Variants in NEXMIF observed in about 807,000 individuals in gnomAD.
The protein encoded by NEXMIF is neurite extension and migration factor.
NEXMIF carries 8 observed loss-of-function variants against 62.1 expected under a neutral mutation model. The observed-to-expected ratio is 0.13, with a 90% CI of 0.08 to 0.23. The LOEUF is 0.23. Ranked by LOEUF, NEXMIF falls within the 10% of genes least tolerant of loss-of-function variation. The probability of loss-of-function intolerance (pLI) is 1.00; values close to 1 mark genes in which losing one functional copy is unlikely to be tolerated. For missense variants in NEXMIF, 976 were observed against 1,113.3 expected (o/e 0.88, Z 1.75); for synonymous variants, 404 against 416.6 (o/e 0.97, Z 0.37).
intron 1 of NEXMIF, among the ~76,000 whole-genome samples, chrX:74,903,006 C>A (rs1356534450): frequency 9.0e-6 from 1 of 111,108 alleles, no homozygotes; most frequent in Non-Finnish European, 1.9e-5. Context: ...TTTAGCTCAG[C>A]TGCCTTTGCA....
intron 1 of NEXMIF, among the ~76,000 whole-genome samples, chrX:74,793,315 C>T (rs1295801777): frequency 1.8e-5 from 2 of 110,023 alleles, no homozygotes; most frequent in Admixed American, 1.9e-4. Flanking sequence ...CCACTCTCTT[C>T]TGGCTTGTAG....
intron 1 of NEXMIF, among the ~76,000 whole-genome samples, chrX:74,923,146 A>G: frequency 8.9e-6 from 1 of 112,124 alleles, no homozygotes; most frequent in Middle Eastern, 4.6e-3. Context: ...TATTTGCAAA[A>G]ACAAGAAGCT....
chrX:74,863,942 C>T (rs1602255242), intron 1 of NEXMIF, among the ~76,000 whole-genome samples: 1 of 112,310 alleles, frequency 8.9e-6, no homozygotes, highest in African/African-American at 3.2e-5. Context: ...TCCTTGGATG[C>T]AAGGCTGGTT....
chrX:74,827,866 C>A (rs186726131), intron 1 of NEXMIF, among the ~76,000 whole-genome samples: 12 of 111,815 alleles, frequency 1.1e-4, no homozygotes, highest in African/African-American at 3.9e-4. Flanking sequence ...CCACCCCATC[C>A]CTGTGAGAAA....
chrX:74,891,025 T>C (rs909021016), intron 1 of NEXMIF, among the ~76,000 whole-genome samples: 2 of 111,865 alleles, frequency 1.8e-5, no homozygotes, highest in African/African-American at 6.5e-5. Context: ...TTGGAGAGGA[T>C]GGAGAGGAGA....
rs767061337 is a variant in NEXMIF at position 74,809,626 on chromosome X, G to A, written c.-47-63929C>T. Among the ~76,000 whole-genome samples, 31 of 111,875 alleles carry A rather than the reference G, an allele frequency of 2.8e-4. No homozygotes were observed. The South Asian group carries it at 0.012, about 42-fold the overall frequency. ...GCTAAGCAAAGACTTTAGTTTAGTAGCCTCACTTAATAGATGAAGAAACTG... is the reference window on the plus strand; with the variant it reads ...GCTAAGCAAAGACTTTAGTTTAGTAACCTCACTTAATAGATGAAGAAACTG... On this transcript the variant is annotated intron_variant, in intron 1 of 3. Coordinates refer to ENST00000055682, the MANE Select transcript of NEXMIF (RefSeq NM_001008537.3).
At chrX:74,769,075 T>G in intron 1 of NEXMIF, among the ~76,000 whole-genome samples, 1 of 110,673 alleles carries the variant, frequency 9.0e-6, no homozygotes, top group Non-Finnish European at 1.9e-5. Flanking sequence ...TTTGAAAATC[T>G]TAAAGAACTG....
chrX:74,874,118 G>A, intron 1 of NEXMIF, among the ~76,000 whole-genome samples: 1 of 107,610 alleles, frequency 9.3e-6, no homozygotes, highest in Non-Finnish European at 1.9e-5. Flanking sequence ...GGGTTTTTAT[G>A]GTTTTAGGTC....
At chrX:74,776,753 A>G (rs1312727340) in intron 1 of NEXMIF, among the ~76,000 whole-genome samples, 1 of 108,827 alleles carries the variant, frequency 9.2e-6, no homozygotes, top group Non-Finnish European at 1.9e-5. Context: ...AAACAAACAA[A>G]AAAAGGAAGT....
intron 1 of NEXMIF, among the ~76,000 whole-genome samples, chrX:74,899,863 T>G (rs1332917025): frequency 8.9e-6 from 1 of 111,794 alleles, no homozygotes; most frequent in Non-Finnish European, 1.9e-5. Flanking sequence ...TTCTGTGCAT[T>G]GAACAACATT....
chrX:74,829,260 T>C (rs190799673), intron 1 of NEXMIF, among the ~76,000 whole-genome samples: 81 of 112,340 alleles, frequency 7.2e-4, no homozygotes, highest in African/African-American at 2.5e-3. Context: ...AGTTTAATCG[T>C]TTTGATTATT....
chrX:74,882,173 A>G, intron 1 of NEXMIF, among the ~76,000 whole-genome samples: 1 of 112,277 alleles, frequency 8.9e-6, no homozygotes, highest in Non-Finnish European at 1.9e-5. Flanking sequence ...GGGTGGAGCC[A>G]AGATGGCCGA....
intron 1 of NEXMIF, among the ~76,000 whole-genome samples, chrX:74,895,276 G>A (rs1471527470): frequency 9.0e-6 from 1 of 111,537 alleles, no homozygotes; most frequent in Non-Finnish European, 1.9e-5. Flanking sequence ...TCTCTACAAT[G>A]AAAAATATAA....
intron 1 of NEXMIF, among the ~76,000 whole-genome samples, chrX:74,796,220 T>C (rs866491274): frequency 3.0e-5 from 2 of 65,759 alleles, no homozygotes; most frequent in Admixed American, 2.4e-4. Flanking sequence ...TATATATATA[T>C]ACATATATAA....
At chrX:74,886,226 T>G (rs1167433890) in intron 1 of NEXMIF, among the ~76,000 whole-genome samples, 1 of 111,896 alleles carries the variant, frequency 8.9e-6, no homozygotes, top group Non-Finnish European at 1.9e-5. Flanking sequence ...GCATTCCCTT[T>G]GAAAACTGGC....
intron 1 of NEXMIF, among the ~76,000 whole-genome samples, chrX:74,794,797 C>A (rs948129471): frequency 1.8e-5 from 2 of 111,919 alleles, no homozygotes; most frequent in African/African-American, 3.2e-5. Context: ...TGACCCCTTG[C>A]GCTTCCCAAG....
chrX:74,814,937 C>T (rs1376646042), intron 1 of NEXMIF, among the ~76,000 whole-genome samples: 2 of 111,734 alleles, frequency 1.8e-5, no homozygotes, highest in East Asian at 5.6e-4. Flanking sequence ...CCAGAGGGCA[C>T]AGAATCTTTG....
At chrX:74,887,936 C>T (rs1362863115) in intron 1 of NEXMIF, among the ~76,000 whole-genome samples, 1 of 112,120 alleles carries the variant, frequency 8.9e-6, no homozygotes, top group Non-Finnish European at 1.9e-5. Context: ...GAAAATGTGG[C>T]ACATATACAC....
At chrX:74,824,421 A>G (rs943051085) in intron 1 of NEXMIF, among the ~76,000 whole-genome samples, 12 of 111,823 alleles carry the variant, frequency 1.1e-4, no homozygotes, top group African/African-American at 3.6e-4. Flanking sequence ...AGGTTCATCT[A>G]TGTTACTGTA....
Sources: gnomAD v4.1 joint callset for allele counts (sites outside exome capture counted in the v4.1 genomes callset) on GRCh38, gnomAD v4.1.1 for gene constraint, MANE v1.5 for transcripts, NCBI Gene and HGNC (gene_info 2026-07-23, HGNC 2026-07-21) for gene names.